PPARGC1B: variants seen among roughly 807,000 people sequenced by gnomAD.
PPARGC1B encodes the protein PPARG coactivator 1 beta.
Under a neutral mutation model 101.6 loss-of-function variants are expected in PPARGC1B, and 34 were observed. The observed-to-expected ratio is 0.33, with a 90% CI of 0.25 to 0.45. The LOEUF is 0.45. Among genes scored for constraint, PPARGC1B ranks in the 20% least tolerant of loss-of-function variants. PPARGC1B has a pLI of 1.00. For synonymous variants in PPARGC1B, 548 were observed against 539.3 expected (o/e 1.02, Z -0.22); for missense variants, 1,234 against 1,317.6 (o/e 0.94, Z 0.98).
chr5:149,755,128 C>T (rs1395361500), intron 1 of PPARGC1B, among the ~76,000 whole-genome samples: 2 of 149,142 alleles, frequency 1.3e-5, no homozygotes, highest in African/African-American at 2.5e-5. Context: ...AGGCTGGTCT[C>T]AAACTCCTAA....
intron 1 of PPARGC1B, chr5:149,772,061 TG>T: frequency 6.4e-7 from 1 of 1,553,292 alleles, no homozygotes; most frequent in Non-Finnish European, 8.7e-7. Flanking sequence ...TGTGCACAGG[TG>T]GGGACCTCTG....
At chr5:149,743,612 G>A (rs949709365) in intron 1 of PPARGC1B, among the ~76,000 whole-genome samples, 1 of 152,072 alleles carries the variant, frequency 6.6e-6, no homozygotes, top group African/African-American at 2.4e-5. Context: ...AATGCTGTTC[G>A]ATCTTTCACA....
At position 149,833,011 on chromosome 5, in the gene PPARGC1B, C is replaced by G; in HGVS notation, c.938C>G (p.Pro313Arg). The change falls in exon 5 of 12, where the codon CCC becomes CGC. Residue 313 changes from proline to arginine, a missense_variant. By Grantham distance (103) the Pro-to-Arg change is moderately radical. Coordinates refer to ENST00000309241, the MANE Select transcript of PPARGC1B (RefSeq NM_133263.4). This position sits in a 1 kb window ranked among gnomAD's most constrained non-coding sequence, Gnocchi z 4.1. The part of the protein sequence containing the change: ...KLPPQTPEPL[P>R]KACSNPSQQV... ...CCCCCACAGACCCCTGAGCCACTCC[C>G]CAAGGCCTGCAGCAACCCCTCCCAG... 1 of 1,613,680 alleles carries G rather than the reference C, an allele frequency of 6.2e-7. No individual in the cohort carries two copies. Among genetic ancestry groups the G allele is most frequent in the Non-Finnish European group, 8.5e-7 (1 of 1,180,006 alleles).
chr5:149,758,639 A>G (rs1260948091), intron 1 of PPARGC1B, among the ~76,000 whole-genome samples: 6 of 152,166 alleles, frequency 3.9e-5, no homozygotes, highest in Non-Finnish European at 1.5e-5. Context: ...CAGGTACAAC[A>G]CATGCCCCCA....
intron 1 of PPARGC1B, among the ~76,000 whole-genome samples, chr5:149,739,404 GGT>G (rs1335245687): frequency 1.1e-4 from 16 of 152,308 alleles, no homozygotes; most frequent in East Asian, 3.9e-4. Flanking sequence ...AGTTGCTCAG[GGT>G]CTTGAAGCTA....
chr5:149,821,952 C>T (rs1235918629), intron 2 of PPARGC1B, among the ~76,000 whole-genome samples: 1 of 152,152 alleles, frequency 6.6e-6, no homozygotes, highest in Non-Finnish European at 1.5e-5. Flanking sequence ...GGTCAAACAG[C>T]TAGTAAGGAT....
chr5:149,738,808 G>C (rs182022970), intron 1 of PPARGC1B, among the ~76,000 whole-genome samples: 8 of 152,280 alleles, frequency 5.3e-5, no homozygotes, highest in African/African-American at 1.2e-4. Context: ...TATTGGCCAG[G>C]CTGGTCTTGA....
At chr5:149,846,001 G>A (rs185554488) in intron 11 of PPARGC1B, 87 bp downstream of exon 11, 123 of 1,534,876 alleles carry the variant, frequency 8.0e-5, no homozygotes, top group African/African-American at 1.4e-4. Context: ...GAGCTAAAGC[G>A]CCTTGTGGAC....
chr5:149,751,452 T>C (rs1020283176), intron 1 of PPARGC1B, among the ~76,000 whole-genome samples: 2 of 152,112 alleles, frequency 1.3e-5, no homozygotes, highest in African/African-American at 4.8e-5. Flanking sequence ...ATGCCTGTAA[T>C]CCCAGCACTT....
In PPARGC1B at chr5:149,788,958, G is replaced by A. The variant is rs369601403; in HGVS notation, c.79-31475G>A. Among the ~76,000 whole-genome samples, 27 of 152,284 alleles carry A rather than the reference G, an allele frequency of 1.8e-4. No individual in the cohort carries two copies. In the East Asian group the frequency reaches 5.0e-3, roughly 28 times the overall value. The stretch of plus-strand genomic sequence containing the variant: ...GGAGGAGTGGGGAGGGATAACATTA[G>A]GAGATACACCTAATGTAGATGACGA... On this transcript the variant is annotated intron_variant, in intron 1 of 11. Transcript: ENST00000309241.
Position 149,842,262 on chromosome 5 carries a change from G to C in PPARGC1B, c.2701G>C (p.Gly901Arg). ...RKRREKAIGE[G>R]RVVYIQNLSS... ...TGTCCTCCTTCTTGGGCAGGGGGAA[G>C]GCCGCGTGGTGTACATTCAAAATCT... Residue 901 changes from glycine to arginine, a missense_variant, in exon 10 of 12, where the codon GGC becomes CGC. Gly to Arg is a moderately radical substitution (Grantham distance 125). Coordinates refer to ENST00000309241, the MANE Select transcript of PPARGC1B (RefSeq NM_133263.4). 26 of 1,613,324 alleles carry C rather than the reference G, an allele frequency of 1.6e-5. No individual in the cohort carries two copies. The highest frequency in any genetic ancestry group is 2.2e-5 in the Non-Finnish European group (26 of 1,179,844).
At chr5:149,805,542 C>T (rs986956369) in intron 1 of PPARGC1B, among the ~76,000 whole-genome samples, 29 of 152,226 alleles carry the variant, frequency 1.9e-4, no homozygotes, top group African/African-American at 5.3e-4. Flanking sequence ...CGGGTTCAAG[C>T]GATTCACCTG....
intron 1 of PPARGC1B, among the ~76,000 whole-genome samples, chr5:149,768,254 C>T (rs1032294091): frequency 6.6e-6 from 1 of 152,114 alleles, no homozygotes; most frequent in African/African-American, 2.4e-5. Flanking sequence ...CCAGATGCAG[C>T]TTAATTGGCA....
intron 2 of PPARGC1B, among the ~76,000 whole-genome samples, chr5:149,825,586 T>G (rs1174051675): frequency 6.6e-6 from 1 of 152,256 alleles, no homozygotes; most frequent in Non-Finnish European, 1.5e-5. Context: ...CACATTCTTT[T>G]TCTCCATCAT....
chr5:149,790,152 G>C (rs1015478642), intron 1 of PPARGC1B, among the ~76,000 whole-genome samples: 1 of 152,154 alleles, frequency 6.6e-6, no homozygotes, highest in Non-Finnish European at 1.5e-5. Flanking sequence ...GATAACTTAA[G>C]GGATATGCTT....
chr5:149,732,593 A>G (rs1341761272), intron 1 of PPARGC1B, among the ~76,000 whole-genome samples: 1 of 152,188 alleles, frequency 6.6e-6, no homozygotes, highest in Non-Finnish European at 1.5e-5. Context: ...TGCTTTTTTT[A>G]TTTAACCACA....
intron 10 of PPARGC1B, among the ~76,000 whole-genome samples, chr5:149,843,975 C>T (rs916814097): frequency 6.6e-6 from 1 of 152,094 alleles, no homozygotes. Flanking sequence ...GTGATGGTTG[C>T]CAGGGGCTGC....
At chr5:149,793,969 G>A (rs536394509) in intron 1 of PPARGC1B, among the ~76,000 whole-genome samples, 29 of 152,234 alleles carry the variant, frequency 1.9e-4, no homozygotes, top group Non-Finnish European at 3.1e-4. Flanking sequence ...ATCAGCTGCC[G>A]GTTTTTGTAA....
intron 1 of PPARGC1B, among the ~76,000 whole-genome samples, chr5:149,789,340 G>GA (rs1407631073): frequency 2.0e-5 from 3 of 152,198 alleles, no homozygotes; most frequent in Non-Finnish European, 4.4e-5. Flanking sequence ...GAAGTGATCT[G>GA]AAAATGCAGA....
Sources: gnomAD v4.1 joint callset for allele counts (sites outside exome capture counted in the v4.1 genomes callset) on GRCh38, gnomAD v4.1.1 for gene constraint, Gnocchi (gnomAD v3.1) non-coding constraint, MANE v1.5 for transcripts, NCBI Gene and HGNC (gene_info 2026-07-23, HGNC 2026-07-21) for gene names.